Variants in ARHGAP22 observed in about 807,000 individuals in gnomAD.
The protein encoded by ARHGAP22 is Rho GTPase activating protein 22, also known as rho GTPase-activating protein 22.
ARHGAP22 carries 48 observed loss-of-function variants against 59.1 expected under a neutral mutation model. That is an observed-to-expected ratio of 0.81 (90% CI 0.64 to 1.03). The LOEUF (loss-of-function observed/expected upper bound fraction) is 1.03. Ranked by LOEUF, ARHGAP22 falls within the 50% of genes least tolerant of loss-of-function variation. The pLI, the probability that ARHGAP22 is intolerant of heterozygous loss-of-function variation, is 0.00. For missense variants in ARHGAP22, 1,015 were observed against 958.7 expected, an observed-to-expected ratio of 1.06 and a Z score of -0.78; for synonymous variants, 445 against 416.4, an observed-to-expected ratio of 1.07 and a Z score of -0.84.
At chr10:48,632,688 G>A (rs2061668052) in intron 1 of ARHGAP22, among the ~76,000 whole-genome samples, 1 of 152,136 alleles carries the variant, frequency 6.6e-6, no homozygotes, top group Non-Finnish European at 1.5e-5. Flanking sequence ...AGTGCACACA[G>A]GTCTTCACAA....
At chr10:48,554,737 G>T (rs1021785810) in intron 3 of ARHGAP22, among the ~76,000 whole-genome samples, 3 of 152,168 alleles carry the variant, frequency 2.0e-5, no homozygotes, top group Non-Finnish European at 4.4e-5. Flanking sequence ...GTTCTGCACT[G>T]TGTCCAGAAG....
At position 48,450,605 on chromosome 10, in the gene ARHGAP22, G is replaced by A; in HGVS notation, c.1524C>T (p.Ala508=). The change falls in exon 9 of 10, where the codon GCC becomes GCT. Residue 508 remains alanine (A), a synonymous_variant. Transcript: ENST00000249601. Reference sequence around the variant, plus strand: ...ACGAGGCCCCGGACCACGCCATACTGGCCACGCTGGGTATGCCGGGGACCA... The same window carrying A: ...ACGAGGCCCCGGACCACGCCATACTAGCCACGCTGGGTATGCCGGGGACCA... The part of the protein sequence containing the change: ...PGLVPGIPSV[A]SMAWSGASSS... The A allele has an allele frequency of 6.5e-7, 1 of 1,547,848 alleles. No individual in the cohort carries two copies. The highest frequency in any genetic ancestry group is 2.4e-5 in the East Asian group (1 of 40,934).
intron 3 of ARHGAP22, among the ~76,000 whole-genome samples, chr10:48,526,913 C>G (rs1317275641): frequency 4.6e-5 from 7 of 152,242 alleles, no homozygotes; most frequent in Non-Finnish European, 8.8e-5. Context: ...TGGTTTCACA[C>G]ACTTTAATTC....
At chr10:48,597,169 T>C (rs918801449) in intron 1 of ARHGAP22, among the ~76,000 whole-genome samples, 1 of 152,050 alleles carries the variant, frequency 6.6e-6, no homozygotes, top group African/African-American at 2.4e-5. Context: ...TTCATAAACA[T>C]GTGTCTCATG....
At chr10:48,459,948 T>C in intron 4 of ARHGAP22, 57 bp from the exon 5 acceptor site, 1 of 1,548,380 alleles carries the variant, frequency 6.5e-7, no homozygotes, top group Non-Finnish European at 8.8e-7. Flanking sequence ...TGTTGGGTGC[T>C]CAGGACAATG....
Position 48,450,533 on chromosome 10 carries a change from G to T in ARHGAP22, c.1596C>A (p.Cys532Ter). ...TGCGGGCAGACGAGTCGCTGGCGCGGCAGGCCGTGCAGCTGCTGAGTGAGC... is the reference window on the plus strand; with the variant it reads ...TGCGGGCAGACGAGTCGCTGGCGCGTCAGGCCGTGCAGCTGCTGAGTGAGC... ...VGGSLSSCTA[C>*]RASDSSARSS... is the part of the protein sequence containing the mutation. The change falls in exon 9 of 10, where the codon TGC becomes TGA. Residue 532 changes from cysteine to a stop codon, truncating the protein, a stop_gained. Transcript: ENST00000249601. LOFTEE classifies it high-confidence loss of function. 6.6e-7 allele frequency: 1 copy of T among 1,516,924 alleles called. No homozygotes were observed. 94.0% of individuals were successfully genotyped at this position (1,516,924 alleles called of 1,614,324 possible). A position where few individuals can be genotyped will look rare whatever the true frequency, so the allele number is the denominator to read the frequency against.
At position 48,450,428 on chromosome 10, in the gene ARHGAP22, GT is replaced by G; in HGVS notation, c.1700del (p.Asp567AlafsTer55). 6.4e-7 allele frequency: 1 copy of G among 1,564,500 alleles called. No homozygotes were observed. The highest frequency in any genetic ancestry group is 8.7e-7 in the Non-Finnish European group (1 of 1,155,380). ...SSEDPKSLDLDHSMDEAGAGA... is the reference protein window; with the variant it reads ...SSEDPKSLDLXHSMDEAGAGA... ...CCGCGCCCGCCTCGTCCATGCTGTG[GT>G]CCAGGTCCAGGGACTTGGGGTCCTC... On this transcript the variant is annotated frameshift_variant, in exon 9 of 10. Coordinates refer to ENST00000249601, the MANE Select transcript of ARHGAP22 (RefSeq NM_021226.4). LOFTEE classifies it high-confidence loss of function.
At chr10:48,445,715 G>C (rs1364351663), downstream of ARHGAP22, 1 of 153,510 alleles carries the variant, frequency 6.5e-6, no homozygotes, top group Non-Finnish European at 1.4e-5. Context: ...TGCCCACTCA[G>C]GCTCTGGCCC....
intron 3 of ARHGAP22, among the ~76,000 whole-genome samples, chr10:48,553,046 C>T (rs572459428): frequency 1.3e-5 from 2 of 152,318 alleles, no homozygotes; most frequent in East Asian, 1.9e-4. Context: ...GCATGAGCTT[C>T]GAGTGCAGCC....
At chr10:48,583,460 C>CATGCATCCATCCATGCATCCACCTGTTCA (rs1416891659) in intron 1 of ARHGAP22, among the ~76,000 whole-genome samples, 1 of 152,244 alleles carries the variant, frequency 6.6e-6, no homozygotes, top group Non-Finnish European at 1.5e-5. Flanking sequence ...TGTATCCAAC[C>CATGCATCCATCCATGCATCCACCTGTTCA]ATGCATCCAT....
intron 2 of ARHGAP22, among the ~76,000 whole-genome samples, chr10:48,570,040 T>G (rs2058299751): frequency 6.6e-6 from 1 of 152,256 alleles, no homozygotes; most frequent in Non-Finnish European, 1.5e-5. Context: ...CTTGTGTTTT[T>G]CTTTGACATG....
intron 3 of ARHGAP22, among the ~76,000 whole-genome samples, chr10:48,548,297 GC>G (rs2135223742): frequency 6.6e-6 from 1 of 152,208 alleles, no homozygotes; most frequent in African/African-American, 2.4e-5. Context: ...GTTAGCCAGA[GC>G]TGGCTTCTGC....
At chr10:48,493,784 C>T in intron 3 of ARHGAP22, 1 of 624,400 alleles carries the variant, frequency 1.6e-6, no homozygotes, top group East Asian at 3.5e-5. Context: ...CTGTGCCTGC[C>T]ACCCTGTGCA....
At chr10:48,576,775 T>C (rs534406214) in intron 2 of ARHGAP22, among the ~76,000 whole-genome samples, 1 of 152,330 alleles carries the variant, frequency 6.6e-6, no homozygotes, top group South Asian at 2.1e-4. Context: ...TCTCCTTTTT[T>C]TAAGATATTT....
chr10:48,574,162 T>C (rs1192311728), intron 2 of ARHGAP22, among the ~76,000 whole-genome samples: 1 of 152,232 alleles, frequency 6.6e-6, no homozygotes, highest in African/African-American at 2.4e-5. Context: ...AAGCAATAAA[T>C]TATTTTTCCA....
intron 1 of ARHGAP22, among the ~76,000 whole-genome samples, chr10:48,638,577 C>A (rs2061919534): frequency 6.6e-6 from 1 of 152,144 alleles, no homozygotes; most frequent in African/African-American, 2.4e-5. Flanking sequence ...TCTCTTGAAC[C>A]TCATTTTCCC....
At chr10:48,434,803 C>A in the ARHGAP22 span, 2 of 1,265,968 alleles carry the variant, frequency 1.6e-6, no homozygotes, top group South Asian at 1.9e-5. Context: ...AAAATTACCA[C>A]TGGAGGCAGT....
At chr10:48,474,225 A>T (rs1438246126) in intron 4 of ARHGAP22, among the ~76,000 whole-genome samples, 1 of 151,990 alleles carries the variant, frequency 6.6e-6, no homozygotes, top group Non-Finnish European at 1.5e-5. Flanking sequence ...TGTAGATGAA[A>T]TTTTCTTAAT....
At chr10:48,539,589 C>G (rs117495422) in intron 3 of ARHGAP22, among the ~76,000 whole-genome samples, 279 of 152,306 alleles carry the variant, frequency 1.8e-3, no homozygotes, top group Non-Finnish European at 3.0e-3. Context: ...CCACGCCCGG[C>G]CAACATTTTT....
Sources: allele counts gnomAD v4.1 joint callset (sites outside exome capture counted in the v4.1 genomes callset), GRCh38; gene constraint gnomAD v4.1.1; transcripts MANE v1.5; gene names NCBI Gene and HGNC (gene_info 2026-07-23, HGNC 2026-07-21).